Variants in OSBPL3 observed in about 807,000 individuals in gnomAD.
OSBPL3 encodes oxysterol-binding protein-related protein 3.
In OSBPL3, 65 loss-of-function variants were observed where a neutral mutation model predicts 120.1. The observed-to-expected ratio is 0.54, with a 90% CI of 0.44 to 0.67. The LOEUF is 0.67. OSBPL3 is among the 30% of genes least tolerant of loss of function. The pLI is 0.00. For missense variants in OSBPL3, 1,004 were observed against 1,082.1 expected (o/e 0.93, Z 1.01); for synonymous variants, 416 against 402.6 (o/e 1.03, Z -0.40).
chr7:24,876,736 C>T (rs1265686280), intron 2 of OSBPL3, among the ~76,000 whole-genome samples: 1 of 152,126 alleles, frequency 6.6e-6, no homozygotes, highest in Non-Finnish European at 1.5e-5. Context: ...CCAGTGGGGT[C>T]GGCTGAAATA....
At chr7:24,910,880 C>T (rs928424818) in intron 1 of OSBPL3, among the ~76,000 whole-genome samples, 1 of 152,198 alleles carries the variant, frequency 6.6e-6, no homozygotes, top group Non-Finnish European at 1.5e-5. Flanking sequence ...CAACATTTCT[C>T]AACCCCGGCT....
At position 24,877,222 on chromosome 7, in the gene OSBPL3, TG is replaced by T. The variant is rs1229767882; in HGVS notation, c.97-5154del. Among the ~76,000 whole-genome samples, 2 of 152,158 alleles carry T rather than the reference TG, an allele frequency of 1.3e-5. No individual in the cohort carries two copies. The highest frequency in any genetic ancestry group is 2.9e-5 in the Non-Finnish European group (2 of 68,018). On this transcript the variant is annotated intron_variant, in intron 2 of 22. Transcript: ENST00000313367. The surrounding 1 kb of genome is among the most constrained non-coding windows in gnomAD (Gnocchi z 4.8). The stretch of plus-strand genomic sequence containing the variant: ...ATCCCATTGGGTAGAGGAATAGTGG[TG>T]GGCCAAGACCTTGAGACAATTGGAA...
At position 24,947,729 on chromosome 7, in the gene OSBPL3, C is replaced by G. The variant is rs1238291118; in HGVS notation, c.-150+32157G>C. Among the ~76,000 whole-genome samples, 1 of 151,776 alleles carries G rather than the reference C, an allele frequency of 6.6e-6. No individual in the cohort carries two copies. Among genetic ancestry groups the G allele is most frequent in the Non-Finnish European group, 1.5e-5 (1 of 67,980 alleles). ...TACAAACTAAACTATAATCTGAACA[C>G]AAGTAATATATGCATGTGTATATAT... On this transcript the variant is annotated intron_variant, in intron 1 of 22. Coordinates refer to ENST00000313367, the MANE Select transcript of OSBPL3 (RefSeq NM_015550.4). The surrounding 1 kb of genome is among the most constrained non-coding windows in gnomAD (Gnocchi z 4.4).
rs1028946898 is a variant in OSBPL3 at position 24,818,481 on chromosome 7, C to T, written c.1948+1694G>A. Among the ~76,000 whole-genome samples, 1 of 152,064 alleles carries T rather than the reference C, an allele frequency of 6.6e-6. No homozygotes were observed. Among genetic ancestry groups the T allele is most frequent in the Non-Finnish European group, 1.5e-5 (1 of 68,032 alleles). On this transcript the variant is annotated intron_variant, in intron 17 of 22. Transcript: ENST00000313367. The surrounding 1 kb of genome is among the most constrained non-coding windows in gnomAD (Gnocchi z 4.0). ...AAAATGGAAGTATACTTCTGTAAAT[C>T]TCACTATATGAAACTGGCATAATAT... is the stretch of plus-strand genomic sequence containing the variant.
rs1311660505 is a variant in OSBPL3 at position 24,867,224 on chromosome 7, A to C, written c.382-987T>G. Among the ~76,000 whole-genome samples the C allele has an allele frequency of 1.3e-5, 2 of 152,206 alleles. No individual in the cohort carries two copies. Among genetic ancestry groups the C allele is most frequent in the African/African-American group, 4.8e-5 (2 of 41,466 alleles). Reference sequence around the variant, plus strand: ...CTCTAATTCCAGCTTCTCTATCCCTACTGAAAATATTAGCACCATTTTTCT... The same window carrying C: ...CTCTAATTCCAGCTTCTCTATCCCTCCTGAAAATATTAGCACCATTTTTCT... On this transcript the variant is annotated intron_variant, in intron 5 of 22. Transcript: ENST00000313367. This position sits in a 1 kb window ranked among gnomAD's most constrained non-coding sequence, Gnocchi z 4.5.
chr7:24,853,861 G>T (rs1369069807), intron 10 of OSBPL3, among the ~76,000 whole-genome samples: 1 of 152,116 alleles, frequency 6.6e-6, no homozygotes, highest in African/African-American at 2.4e-5. Flanking sequence ...CAACTTTTCT[G>T]TAAGTTTGTA....
At position 24,939,208 on chromosome 7, in the gene OSBPL3, G is replaced by A. The variant is rs566815893; in HGVS notation, c.-150+40678C>T. On this transcript the variant is annotated intron_variant, in intron 1 of 22. Coordinates refer to ENST00000313367, the MANE Select transcript of OSBPL3 (RefSeq NM_015550.4). The surrounding 1 kb of genome is among the most constrained non-coding windows in gnomAD (Gnocchi z 4.2). ...TATTCAGAGAAGGAAGAACAACACT[G>A]TCCATAATCCAAAGGACCAAGGTCT... Among the ~76,000 whole-genome samples the A allele has an allele frequency of 2.6e-5, 4 of 152,318 alleles. No homozygotes were observed. Among genetic ancestry groups the A allele is most frequent in the Admixed American group, 2.0e-4 (3 of 15,302 alleles).
At position 24,939,904 on chromosome 7, in the gene OSBPL3, G is replaced by GA. The variant is rs1209964163; in HGVS notation, c.-150+39981dup. ...TAATGCATGCAGGTCTTAAAACCTA[G>GA]ATGATGGGTTGGCAGGTGCAGCAAA... On this transcript the variant is annotated intron_variant, in intron 1 of 22. Coordinates refer to ENST00000313367, the MANE Select transcript of OSBPL3 (RefSeq NM_015550.4). The surrounding 1 kb of genome is among the most constrained non-coding windows in gnomAD (Gnocchi z 4.2). Among the ~76,000 whole-genome samples the GA allele has an allele frequency of 2.6e-5, 4 of 152,180 alleles. No individual in the cohort carries two copies. The highest frequency in any genetic ancestry group is 9.7e-5 in the African/African-American group (4 of 41,436).
intron 1 of OSBPL3, among the ~76,000 whole-genome samples, chr7:24,971,672 C>G (rs534883021): frequency 3.3e-4 from 51 of 152,316 alleles, no homozygotes; most frequent in African/African-American, 1.0e-3. Flanking sequence ...AAAAACCAAA[C>G]AGCAAGTGAC....
intron 2 of OSBPL3, among the ~76,000 whole-genome samples, chr7:24,885,552 A>G (rs1804393578): frequency 6.6e-6 from 1 of 152,226 alleles, no homozygotes; most frequent in African/African-American, 2.4e-5. Flanking sequence ...CTAGCAATAG[A>G]TCTCTCCATT....
At position 24,805,529 on chromosome 7, in the gene OSBPL3, C is replaced by G. The variant is rs1430155897; in HGVS notation, c.2445-1092G>C. Among the ~76,000 whole-genome samples the G allele has an allele frequency of 6.6e-6, 1 of 152,110 alleles. No homozygotes were observed. Among genetic ancestry groups the G allele is most frequent in the South Asian group, 2.1e-4 (1 of 4,826 alleles). On this transcript the variant is annotated intron_variant, in intron 21 of 22. Transcript: ENST00000313367. The surrounding 1 kb of genome is among the most constrained non-coding windows in gnomAD (Gnocchi z 4.0). ...ATATATACTGTATATTTCCAATTAA[C>G]TCCATTCTTAGGCTTGATTTAAGAA... is the stretch of plus-strand genomic sequence containing the variant.
intron 2 of OSBPL3, among the ~76,000 whole-genome samples, chr7:24,892,165 T>C (rs1805445451): frequency 6.6e-6 from 1 of 152,158 alleles, no homozygotes; most frequent in Non-Finnish European, 1.5e-5. Context: ...TTAAATAAAA[T>C]TATACGAAGA....
Position 24,955,375 on chromosome 7 carries a change from G to A in OSBPL3, c.-150+24511C>T, listed in dbSNP as rs780465770. The stretch of plus-strand genomic sequence containing the variant: ...AAAATATACTGAGCACTTACAATGC[G>A]CTGGGAATTTTTCCAGTGCTGGGAA... On this transcript the variant is annotated intron_variant, in intron 1 of 22. Transcript: ENST00000313367. This position sits in a 1 kb window ranked among gnomAD's most constrained non-coding sequence, Gnocchi z 4.3. Among the ~76,000 whole-genome samples, 13 of 152,190 alleles carry A rather than the reference G, an allele frequency of 8.5e-5. No homozygotes were observed. The highest frequency in any genetic ancestry group is 1.6e-4 in the Non-Finnish European group (11 of 68,030).
rs941277157 is a variant in OSBPL3 at position 24,849,791 on chromosome 7, C to CA, written c.1159-616dup. Among the ~76,000 whole-genome samples the CA allele has an allele frequency of 4.6e-5, 7 of 151,432 alleles. No homozygotes were observed. The highest frequency in any genetic ancestry group is 7.4e-5 in the Non-Finnish European group (5 of 67,814). On this transcript the variant is annotated intron_variant, in intron 11 of 22. Transcript: ENST00000313367. This position sits in a 1 kb window ranked among gnomAD's most constrained non-coding sequence, Gnocchi z 5.4. Reference sequence around the variant, plus strand: ...CAACATGGTGAAACCCCATCTCTACCAAAAAATGCAAAAATTAGTTGGGCA... The same window carrying CA: ...CAACATGGTGAAACCCCATCTCTACCAAAAAAATGCAAAAATTAGTTGGGCA...
At chr7:24,976,631 C>T (rs577790807) in intron 1 of OSBPL3, among the ~76,000 whole-genome samples, 1 of 152,200 alleles carries the variant, frequency 6.6e-6, no homozygotes, top group African/African-American at 2.4e-5. Context: ...ATAAACAACT[C>T]TCAATTATGC....
Position 24,862,198 on chromosome 7 carries a change from T to C in OSBPL3, c.871-429A>G, listed in dbSNP as rs1297195428. 1.3e-5 allele frequency among the ~76,000 whole-genome samples: 2 copies of C among 152,210 alleles called. No individual in the cohort carries two copies. Among genetic ancestry groups the C allele is most frequent in the Non-Finnish European group, 2.9e-5 (2 of 68,034 alleles). On this transcript the variant is annotated intron_variant, in intron 9 of 22. Coordinates refer to ENST00000313367, the MANE Select transcript of OSBPL3 (RefSeq NM_015550.4). This position sits in a 1 kb window ranked among gnomAD's most constrained non-coding sequence, Gnocchi z 4.4. ...ACCGCGCCCAGCCTAGGTAGGTCTT[T>C]CTACTGAGTGATAACTTATTTTAAA...
chr7:24,866,296 T>C, intron 5 of OSBPL3, 59 bp from the exon 6 acceptor site: 1 of 1,263,134 alleles, frequency 7.9e-7, no homozygotes, highest in Non-Finnish European at 1.2e-6. Context: ...AAGGAACAAT[T>C]ACTCATCAAA....
At chr7:24,839,727 G>A (rs1019626656) in intron 14 of OSBPL3, among the ~76,000 whole-genome samples, 1 of 152,044 alleles carries the variant, frequency 6.6e-6, no homozygotes, top group Non-Finnish European at 1.5e-5. Context: ...GGTGGCTCAC[G>A]CCTGTAATCC....
Position 24,871,721 on chromosome 7 carries a change from T to A in OSBPL3, c.267+21A>T. ...CCTTTAGGATTCTTCAATACCACAG[T>A]GGGCCCACAAAAAGACTTACATCGG... On this transcript the variant is annotated intron_variant, in intron 4 of 22. Transcript: ENST00000313367. The surrounding 1 kb of genome is among the most constrained non-coding windows in gnomAD (Gnocchi z 4.8). 6.3e-7 allele frequency: 1 copy of A among 1,593,044 alleles called. No individual in the cohort carries two copies. Among genetic ancestry groups the A allele is most frequent in the South Asian group, 1.1e-5 (1 of 90,494 alleles).
Sources: allele counts gnomAD v4.1 joint callset (sites outside exome capture counted in the v4.1 genomes callset), GRCh38; gene constraint gnomAD v4.1.1; non-coding constraint Gnocchi (gnomAD v3.1); transcripts MANE v1.5; gene names NCBI Gene and HGNC (gene_info 2026-07-23, HGNC 2026-07-21).